Variants in DTX4 observed in about 807,000 individuals in gnomAD.
DTX4 encodes E3 ubiquitin-protein ligase DTX4.
DTX4 carries 28 observed loss-of-function variants against 57.6 expected under a neutral mutation model. The ratio of observed to expected loss-of-function variants is 0.49; its 90% CI spans 0.36 to 0.67. The LOEUF is 0.67. Among genes scored for constraint, DTX4 ranks in the 30% least tolerant of loss-of-function variants. The pLI, the probability that DTX4 is intolerant of heterozygous loss-of-function variation, is 0.00. For missense variants in DTX4, 715 were observed against 836.8 expected (o/e 0.85, Z 1.80); for synonymous variants, 316 against 331.0 (o/e 0.95, Z 0.49).
intron 1 of DTX4, among the ~76,000 whole-genome samples, chr11:59,178,682 G>A (rs1590978996): frequency 6.6e-6 from 1 of 152,204 alleles, no homozygotes; most frequent in Non-Finnish European, 1.5e-5. Context: ...TGAAACATTG[G>A]TGCACATCAG....
intron 2 of DTX4, among the ~76,000 whole-genome samples, chr11:59,184,889 T>C (rs1253275001): frequency 1.3e-5 from 2 of 152,176 alleles, no homozygotes; most frequent in Non-Finnish European, 2.9e-5. Flanking sequence ...TCCCATCTTC[T>C]CCTCCAGCCT....
Position 59,182,140 on chromosome 11 carries a change from G to C in DTX4, c.613G>C (p.Val205Leu), listed in dbSNP as rs1304067191. ...VLVMSVKAAV[V>L]NGSTGPLQLP... ...GGTGATGAGTGTTAAGGCAGCCGTG[G>C]TCAATGGCAGCACTGGGCCCCTACA... Residue 205 changes from valine to leucine, a missense_variant, in exon 2 of 9, where the codon GTC (valine) becomes CTC (leucine). Val to Leu is a conservative substitution (Grantham distance 32). Transcript: ENST00000227451. 1.2e-6 allele frequency: 2 copies of C among 1,613,354 alleles called. No individual in the cohort carries two copies. Among genetic ancestry groups the C allele is most frequent in the Admixed American group, 3.3e-5 (2 of 59,992 alleles).
In DTX4 at chr11:59,189,343, T is replaced by TG. The variant is rs1459722207; in HGVS notation, c.1159+24dup. On this transcript the variant is annotated intron_variant, in intron 4 of 8. Transcript: ENST00000227451. ...AGAAAGGTACCAGCCTCTTGTCTCG[T>TG]GGGGTACTGAGAGTCAAAGACTTGG... 5.3e-6 allele frequency: 8 copies of TG among 1,518,540 alleles called. No individual in the cohort carries two copies. The African/African-American group carries it at 9.7e-5, about 18-fold the overall frequency. 94.1% of individuals were successfully genotyped at this position (1,518,540 alleles called of 1,614,324 possible). A position where few individuals can be genotyped will look rare whatever the true frequency, so the allele number is the denominator to read the frequency against.
Position 59,172,167 on chromosome 11 carries a change from G to A in DTX4, c.-429G>A, listed in dbSNP as rs1035320315. 2.3e-4 allele frequency among the ~76,000 whole-genome samples: 35 copies of A among 152,098 alleles called. No homozygotes were observed. The highest frequency in any genetic ancestry group is 6.5e-4 in the Admixed American group (10 of 15,280). The stretch of plus-strand genomic sequence containing the variant: ...CGGCCGTGCGGCGAGATCCCACCCC[G>A]GCGTCTGCAGAGGCCGAGGCGCAAC... On this transcript the variant is annotated 5_prime_UTR_variant, in exon 1 of 9. Coordinates refer to ENST00000227451, the MANE Select transcript of DTX4 (RefSeq NM_015177.2).
intron 6 of DTX4, among the ~76,000 whole-genome samples, chr11:59,193,556 AT>A (rs1233064592): frequency 6.6e-6 from 1 of 152,182 alleles, no homozygotes. Context: ...TTCTTAGCAC[AT>A]TTGTTCCCTA....
At chr11:59,190,022 CAT>C (rs1862577155) in intron 4 of DTX4, among the ~76,000 whole-genome samples, 1 of 152,160 alleles carries the variant, frequency 6.6e-6, no homozygotes, top group African/African-American at 2.4e-5. Context: ...TAAATTGGAT[CAT>C]GTGTGTGTTG....
chr11:59,183,483 G>T (rs1029415928), intron 2 of DTX4, among the ~76,000 whole-genome samples: 3 of 152,088 alleles, frequency 2.0e-5, no homozygotes, highest in Non-Finnish European at 4.4e-5. Flanking sequence ...ACCTTTGCCT[G>T]CCAGCCCCTG....
rs1020147402 is a variant in DTX4, at chr11:59,194,487, G to A, written c.1375-721G>A. 7.2e-5 allele frequency among the ~76,000 whole-genome samples: 11 copies of A among 152,266 alleles called. No individual in the cohort carries two copies. The South Asian group carries it at 8.3e-4, about 11-fold the overall frequency. The stretch of plus-strand genomic sequence containing the variant: ...ATAGCAGTAGTTTCCAAACCTGTAT[G>A]AGCATCAGTCTTTCCATGGAAATTA... On this transcript the variant is annotated intron_variant, in intron 6 of 8. Coordinates refer to ENST00000227451, the MANE Select transcript of DTX4 (RefSeq NM_015177.2).
chr11:59,187,439 G>A (rs183155288), intron 2 of DTX4, among the ~76,000 whole-genome samples: 7 of 152,338 alleles, frequency 4.6e-5, no homozygotes, highest in Admixed American at 4.6e-4. Flanking sequence ...GTTGGTAACT[G>A]TAACATGTGA....
chr11:59,185,276 G>C (rs552965364), intron 2 of DTX4: 1 of 152,246 alleles, frequency 6.6e-6, no homozygotes, highest in Non-Finnish European at 1.5e-5. Context: ...TTCCTGGACT[G>C]GTGCATAACT....
At chr11:59,174,042 T>C (rs1442390008) in intron 1 of DTX4, among the ~76,000 whole-genome samples, 4 of 152,116 alleles carry the variant, frequency 2.6e-5, no homozygotes, top group Non-Finnish European at 5.9e-5. Context: ...TCTCTCTGCT[T>C]CCTTGGAAAG....
intron 1 of DTX4, among the ~76,000 whole-genome samples, chr11:59,174,848 A>C (rs1862376057): frequency 6.6e-6 from 1 of 152,140 alleles, no homozygotes; most frequent in Non-Finnish European, 1.5e-5. Flanking sequence ...GAATCATTTT[A>C]AAGGCTGCCT....
At chr11:59,171,932 T>G (rs1057302838), upstream of DTX4, among the ~76,000 whole-genome samples, 1 of 150,166 alleles carries the variant, frequency 6.7e-6, no homozygotes, top group Non-Finnish European at 1.5e-5. Context: ...TCATGGCGGG[T>G]CGCTTCTCTG....
At chr11:59,188,889 T>C (rs1035462054) in intron 3 of DTX4, 93 bp downstream of exon 3, 5 of 1,236,414 alleles carry the variant, frequency 4.0e-6, no homozygotes, top group Non-Finnish European at 5.8e-6. Flanking sequence ...GGAGAGAATC[T>C]AGATATTAAT....
chr11:59,179,936 ACACACCCT>A (rs916115929), intron 1 of DTX4, among the ~76,000 whole-genome samples: 4 of 149,186 alleles, frequency 2.7e-5, no homozygotes, highest in Non-Finnish European at 6.1e-5. Flanking sequence ...ACACACACAC[ACACACCCT>A]CACACACCCT....
chr11:59,191,687 C>T (rs1590986116), intron 5 of DTX4, among the ~76,000 whole-genome samples: 2 of 152,172 alleles, frequency 1.3e-5, no homozygotes, highest in South Asian at 4.1e-4. Context: ...GGTTTAGAAA[C>T]CCTGTTGGAC....
intron 7 of DTX4, among the ~76,000 whole-genome samples, chr11:59,196,713 C>T (rs531881256): frequency 6.6e-6 from 1 of 152,258 alleles, no homozygotes; most frequent in South Asian, 2.1e-4. Flanking sequence ...GTGAACTGTG[C>T]ATGTGACGGA....
chr11:59,200,928 G>A (rs1862733641), intron 8 of DTX4, among the ~76,000 whole-genome samples: 1 of 152,182 alleles, frequency 6.6e-6, no homozygotes, highest in Admixed American at 6.5e-5. Flanking sequence ...TTGCTTGTCA[G>A]CAGCTATGGC....
chr11:59,191,169 A>T lies in DTX4; in HGVS notation c.1215A>T (p.Pro405=). Residue 405 remains proline, a synonymous_variant, in exon 5 of 9, where the codon CCA becomes CCT. Coordinates refer to ENST00000227451, the MANE Select transcript of DTX4 (RefSeq NM_015177.2). ...ATCTACAGAAAGTCCGGCACCCACC[A>T]GATGAGGTGAGTTCAGGGTTAGAAG... ...KKYLQKVRHP[P]DEDCTICMER... The T allele has an allele frequency of 6.4e-7, 1 of 1,570,246 alleles. No individual in the cohort carries two copies.
Sources: allele counts gnomAD v4.1 joint callset (sites outside exome capture counted in the v4.1 genomes callset), GRCh38; gene constraint gnomAD v4.1.1; transcripts MANE v1.5; gene names NCBI Gene and HGNC (gene_info 2026-07-23, HGNC 2026-07-21).